The following CDC73 variants were observed in gnomAD, a reference collection of about 807,000 sequenced individuals.
CDC73 encodes parafibromin.
A neutral mutation model predicts 83.7 loss-of-function variants in CDC73; 21 were observed. That is an observed-to-expected ratio of 0.25 (90% CI 0.18 to 0.36). CDC73 has a LOEUF of 0.36. Ranked by LOEUF, CDC73 falls within the 10% of genes least tolerant of loss-of-function variation. The pLI, the probability that CDC73 is intolerant of heterozygous loss-of-function variation, is 1.00. For synonymous variants in CDC73, 224 were observed against 212.9 expected (o/e 1.05, Z -0.45); for missense variants, 342 against 653.3 (o/e 0.52, Z 5.19).
At chr1:193,173,673 T>A (rs1420574945) in intron 10 of CDC73, among the ~76,000 whole-genome samples, 1 of 152,208 alleles carries the variant, frequency 6.6e-6, no homozygotes, top group East Asian at 1.9e-4. Context: ...TTTGTGCCAT[T>A]GGTGCATTTG....
At chr1:193,200,618 G>T (rs554839102) in intron 10 of CDC73, among the ~76,000 whole-genome samples, 2 of 152,202 alleles carry the variant, frequency 1.3e-5, no homozygotes, top group East Asian at 3.9e-4. Context: ...AGCACAACTT[G>T]TCAGCTCTTT....
In CDC73 at chr1:193,198,444, ACTGT is replaced by A. The variant is rs560179129; in HGVS notation, c.973-5345_973-5342del. On this transcript the variant is annotated intron_variant, in intron 10 of 16. Coordinates refer to ENST00000367435, the MANE Select transcript of CDC73 (RefSeq NM_024529.5). Reference sequence around the variant, plus strand: ...CTTCCACCTTCCACCATGTGAAGACACTGTCTGTCCCCTCCAGAGGATGCAACAA... The same window carrying A: ...CTTCCACCTTCCACCATGTGAAGACACTGTCCCCTCCAGAGGATGCAACAA... Among the ~76,000 whole-genome samples the A allele has an allele frequency of 3.3e-3, 510 of 152,338 alleles. 3 individuals are homozygous for A. The highest frequency in any genetic ancestry group is 5.3e-3 in the Non-Finnish European group (363 of 68,030).
chr1:193,143,771 A>G (rs1446431113), intron 7 of CDC73, among the ~76,000 whole-genome samples: 1 of 152,104 alleles, frequency 6.6e-6, no homozygotes, highest in Non-Finnish European at 1.5e-5. Context: ...ACTAGTTATC[A>G]GGGCTTTCTT....
rs1294655062 is a variant in CDC73 at position 193,254,115 on chromosome 1, G to A, written c.*3403G>A. Among the ~76,000 whole-genome samples, 4 of 151,770 alleles carry A rather than the reference G, an allele frequency of 2.6e-5. No homozygotes were observed. Among genetic ancestry groups the A allele is most frequent in the Admixed American group, 6.6e-5 (1 of 15,246 alleles). ...AAATGCAAAATTATGAGTAAGATAA[G>A]TCTTTTTAAATTTTTTATTTTTAAT... On this transcript the variant is annotated 3_prime_UTR_variant, in exon 17 of 17. Transcript: ENST00000367435.
chr1:193,148,060 A>T, intron 8 of CDC73, 95 bp downstream of exon 8: 2 of 849,846 alleles, frequency 2.4e-6, no homozygotes, highest in Non-Finnish European at 4.0e-6. Flanking sequence ...TTTTAAAATC[A>T]GTGGATTCTA....
chr1:193,192,179 A>C (rs1676930693), intron 10 of CDC73, among the ~76,000 whole-genome samples: 1 of 152,086 alleles, frequency 6.6e-6, no homozygotes, highest in African/African-American at 2.4e-5. Context: ...ATGGTAGCTC[A>C]TGCCTGTAAT....
chr1:193,216,553 C>T (rs531864685), intron 13 of CDC73, among the ~76,000 whole-genome samples: 14 of 152,024 alleles, frequency 9.2e-5, no homozygotes, highest in Middle Eastern at 3.4e-3. Context: ...CTGAAATCGC[C>T]CCAAAAAATC....
At chr1:193,234,173 TCTCACACACACACACACA>T (rs1677710533) in intron 14 of CDC73, among the ~76,000 whole-genome samples, 2 of 68,366 alleles carry the variant, frequency 2.9e-5, no homozygotes, top group South Asian at 6.7e-4. Flanking sequence ...TCTCTCTCTC[TCTCACACACACACACACA>T]CACACACACA....
At chr1:193,212,257 T>A (rs1677292179) in intron 12 of CDC73, 133 bp from the exon 13 acceptor site, 2 of 841,568 alleles carry the variant, frequency 2.4e-6, no homozygotes, top group Non-Finnish European at 3.7e-6. Context: ...AAATATTTTT[T>A]AATATCCACT....
intron 1 of CDC73, among the ~76,000 whole-genome samples, chr1:193,123,768 A>C (rs547378481): frequency 1.3e-5 from 2 of 152,142 alleles, no homozygotes; most frequent in Non-Finnish European, 2.9e-5. Context: ...TTCTACCTCA[A>C]AGGAGGTTAA....
chr1:193,207,817 G>A (rs1251142181), intron 11 of CDC73, among the ~76,000 whole-genome samples: 2 of 152,156 alleles, frequency 1.3e-5, no homozygotes, highest in African/African-American at 2.4e-5. Flanking sequence ...CTCAGTTTAC[G>A]AAGATAATGG....
At chr1:193,245,373 G>A (rs1677936474) in intron 15 of CDC73, among the ~76,000 whole-genome samples, 1 of 152,104 alleles carries the variant, frequency 6.6e-6, no homozygotes, top group African/African-American at 2.4e-5. Flanking sequence ...AGAACTTGTG[G>A]TGTTTAACTT....
chr1:193,147,241 C>G (rs906687317), intron 7 of CDC73, among the ~76,000 whole-genome samples: 6 of 152,106 alleles, frequency 3.9e-5, no homozygotes, highest in African/African-American at 1.4e-4. Context: ...ATCCACCTGC[C>G]TCTGCCTCCC....
In CDC73 at chr1:193,254,307, GCT is replaced by G. The variant is rs1448005594; in HGVS notation, c.*3598_*3599del. 6.6e-6 allele frequency among the ~76,000 whole-genome samples: 1 copy of G among 151,926 alleles called. No homozygotes were observed. The highest frequency in any genetic ancestry group is 1.5e-5 in the Non-Finnish European group (1 of 67,908). ...GTTCTCAGCTGAAAAGTTGGCAGCT[GCT>G]CTGTTTCTTTAAAAAAGTACAACAT... On this transcript the variant is annotated 3_prime_UTR_variant, in exon 17 of 17. Transcript: ENST00000367435.
At chr1:193,167,775 A>G (rs1326446895) in intron 10 of CDC73, among the ~76,000 whole-genome samples, 1 of 152,154 alleles carries the variant, frequency 6.6e-6, no homozygotes, top group Non-Finnish European at 1.5e-5. Context: ...CTTTTAGCAC[A>G]GTTGTAGTGT....
Position 193,212,373 on chromosome 1 carries a change from A to G in CDC73, c.1067-17A>G. On this transcript the variant is annotated splice_polypyrimidine_tract_variant and intron_variant, in intron 12 of 16. Transcript: ENST00000367435. ...TTCTAATAATATATTTTCTACCTGT[A>G]AATTTTGTCTTTATAGGATCTCGAA... 6.8e-7 allele frequency: 1 copy of G among 1,460,108 alleles called. No individual in the cohort carries two copies. The highest frequency in any genetic ancestry group is 9.5e-7 in the Non-Finnish European group (1 of 1,054,364). The allele number at this position is 1,460,108 out of a possible 1,614,324, so 90.4% of individuals were successfully genotyped here.
At chr1:193,200,781 G>C (rs778221222) in intron 10 of CDC73, among the ~76,000 whole-genome samples, 1 of 152,030 alleles carries the variant, frequency 6.6e-6, no homozygotes, top group Non-Finnish European at 1.5e-5. Context: ...GTGTGCGCGC[G>C]TGCGTATAGC....
intron 10 of CDC73, among the ~76,000 whole-genome samples, chr1:193,191,801 A>G (rs1042798490): frequency 1.3e-5 from 2 of 152,268 alleles, no homozygotes; most frequent in Admixed American, 6.5e-5. Context: ...AAGAGGGGTC[A>G]TTGTAAAGTA....
chr1:193,240,600 G>A (rs1677840416), intron 15 of CDC73, among the ~76,000 whole-genome samples: 1 of 152,062 alleles, frequency 6.6e-6, no homozygotes, highest in African/African-American at 2.4e-5. Context: ...CTTCCCTGAT[G>A]GTTAGTGATG....
Sources: allele counts gnomAD v4.1 joint callset (sites outside exome capture counted in the v4.1 genomes callset), GRCh38; gene constraint gnomAD v4.1.1; transcripts MANE v1.5; gene names NCBI Gene and HGNC (gene_info 2026-07-23, HGNC 2026-07-21).